The following DLGAP1 variants were observed in gnomAD, a reference collection of about 807,000 sequenced individuals.
DLGAP1 encodes DLG associated protein 1.
A neutral mutation model predicts 90.8 loss-of-function variants in DLGAP1; 11 were observed. That is an observed-to-expected ratio of 0.12 (90% CI 0.08 to 0.20). The LOEUF is 0.20. Among genes scored for constraint, DLGAP1 ranks in the 10% least tolerant of loss-of-function variants. The pLI, the probability that DLGAP1 is intolerant of heterozygous loss-of-function variation, is 1.00. For missense variants in DLGAP1, 1,050 were observed against 1,333.8 expected, an observed-to-expected ratio of 0.79 and a Z score of 3.31; for synonymous variants, 558 against 540.7, an observed-to-expected ratio of 1.03 and a Z score of -0.44.
chr18:4,104,564 T>C (rs1175552604), intron 2 of DLGAP1, among the ~76,000 whole-genome samples: 1 of 152,196 alleles, frequency 6.6e-6, no homozygotes, highest in Non-Finnish European at 1.5e-5. Context: ...AACTCTAGTA[T>C]TGTTTATTTT....
intron 1 of DLGAP1, among the ~76,000 whole-genome samples, chr18:4,261,773 TA>T (rs1201284221): frequency 2.0e-5 from 3 of 152,138 alleles, no homozygotes; most frequent in Non-Finnish European, 4.4e-5. Flanking sequence ...TTCCTCATGC[TA>T]AAAGGTAAAT....
intron 1 of DLGAP1, among the ~76,000 whole-genome samples, chr18:4,296,915 A>G (rs1406011662): frequency 6.6e-6 from 1 of 152,160 alleles, no homozygotes; most frequent in Non-Finnish European, 1.5e-5. Context: ...AACTTCCAAC[A>G]TCTTTCATCA....
At chr18:4,306,694 T>C (rs1598863805) in intron 1 of DLGAP1, among the ~76,000 whole-genome samples, 1 of 152,320 alleles carries the variant, frequency 6.6e-6, no homozygotes, top group East Asian at 1.9e-4. Context: ...CTACTACTTT[T>C]AGGGATTCAG....
At position 4,452,478 on chromosome 18, in the gene DLGAP1, T is replaced by TAA. The variant is rs1555621103; in HGVS notation, c.-267+2526_-267+2527dup. On this transcript the variant is annotated intron_variant, in intron 1 of 12. Coordinates refer to ENST00000315677, the MANE Select transcript of DLGAP1 (RefSeq NM_004746.4). ...CTCTTCCAAGTTTTAATTTTATATT[T>TAA]AAAAAAAATCAATCTAAATGGCTAT... Among the ~76,000 whole-genome samples, 368 of 151,960 alleles carry TAA rather than the reference T, an allele frequency of 2.4e-3. 2 individuals carry two copies. Among genetic ancestry groups the TAA allele is most frequent in the African/African-American group, 8.4e-3 (350 of 41,448 alleles).
intron 3 of DLGAP1, among the ~76,000 whole-genome samples, chr18:3,940,656 G>T (rs2072748512): frequency 6.6e-6 from 1 of 152,192 alleles, no homozygotes; most frequent in Non-Finnish European, 1.5e-5. Flanking sequence ...TAAAACTGGA[G>T]CATATAAAAT....
intron 1 of DLGAP1, chr18:4,275,169 G>T (rs1247239470): frequency 6.6e-6 from 1 of 151,984 alleles, no homozygotes; most frequent in Non-Finnish European, 1.5e-5. Context: ...TTCCATTAAG[G>T]TGTCTGGTCC....
At chr18:3,803,957 CATATATATATATAT>C (rs33952757) in intron 5 of DLGAP1, among the ~76,000 whole-genome samples, 1,910 of 83,984 alleles carry the variant, frequency 0.023, 80 homozygotes, top group African/African-American at 0.083. Context: ...TATGTAGGTT[CATATATATATATAT>C]ATATATATAT....
intron 2 of DLGAP1, among the ~76,000 whole-genome samples, chr18:4,150,346 G>C (rs538068926): frequency 4.0e-4 from 61 of 152,226 alleles, no homozygotes; most frequent in Non-Finnish European, 6.3e-4. Flanking sequence ...GAAAGGAGTG[G>C]AGATGATAGC....
chr18:4,058,185 T>TTTCTC, intron 2 of DLGAP1, among the ~76,000 whole-genome samples: 1 of 152,244 alleles, frequency 6.6e-6, no homozygotes, highest in Non-Finnish European at 1.5e-5. Flanking sequence ...TCTGTGTATA[T>TTTCTC]TTGAAATGGC....
chr18:4,371,090 AGTT>A (rs1436823757), intron 1 of DLGAP1, among the ~76,000 whole-genome samples: 43 of 152,242 alleles, frequency 2.8e-4, no homozygotes, highest in Non-Finnish European at 1.3e-4. Flanking sequence ...AGAGAAGAGC[AGTT>A]GTTGTAGTTG....
At chr18:3,832,365 G>T (rs2068077090) in intron 4 of DLGAP1, among the ~76,000 whole-genome samples, 1 of 152,172 alleles carries the variant, frequency 6.6e-6, no homozygotes. Flanking sequence ...TTTTGGTGAT[G>T]AGTCAAGCTG....
At chr18:3,952,303 T>A (rs2073002385) in intron 3 of DLGAP1, among the ~76,000 whole-genome samples, 1 of 152,214 alleles carries the variant, frequency 6.6e-6, no homozygotes, top group Non-Finnish European at 1.5e-5. Context: ...TTTAATCTCC[T>A]TAGCTCTTTA....
intron 9 of DLGAP1, among the ~76,000 whole-genome samples, chr18:3,546,203 G>A (rs569700495): frequency 6.6e-6 from 1 of 152,176 alleles, no homozygotes; most frequent in African/African-American, 2.4e-5. Context: ...CAAGCAGGTT[G>A]TCTGAGCCCA....
intron 2 of DLGAP1, among the ~76,000 whole-genome samples, chr18:4,025,699 T>A (rs528344475): frequency 9.2e-5 from 14 of 152,316 alleles, no homozygotes; most frequent in African/African-American, 3.1e-4. Context: ...CTGTTTTCCA[T>A]CTGAGTTCTA....
chr18:3,916,534 T>C (rs1024605222), intron 3 of DLGAP1, among the ~76,000 whole-genome samples: 2 of 152,214 alleles, frequency 1.3e-5, no homozygotes, highest in African/African-American at 2.4e-5. Context: ...CCTGACCCAT[T>C]GCTCAGTTGG....
chr18:4,194,273 C>T (rs2144755651), intron 1 of DLGAP1, among the ~76,000 whole-genome samples: 1 of 152,224 alleles, frequency 6.6e-6, no homozygotes, highest in Non-Finnish European at 1.5e-5. Flanking sequence ...GTTTCTGTTC[C>T]TGCGTTAATT....
chr18:4,053,498 T>A (rs181880190), intron 2 of DLGAP1, among the ~76,000 whole-genome samples: 10 of 152,272 alleles, frequency 6.6e-5, no homozygotes, highest in Non-Finnish European at 1.3e-4. Context: ...AAGATTTGGG[T>A]GGGGACACAG....
At chr18:4,068,193 C>T (rs937099267) in intron 2 of DLGAP1, among the ~76,000 whole-genome samples, 1 of 151,722 alleles carries the variant, frequency 6.6e-6, no homozygotes, top group South Asian at 2.1e-4. Context: ...ATCATTGCCT[C>T]CTCAATGCAA....
intron 2 of DLGAP1, among the ~76,000 whole-genome samples, chr18:4,040,901 C>T (rs1863985944): frequency 2.0e-5 from 3 of 152,204 alleles, no homozygotes; most frequent in Non-Finnish European, 2.9e-5. Context: ...TACTCACACA[C>T]GGTTGCTAGT....
Sources: gnomAD v4.1 joint callset for allele counts (sites outside exome capture counted in the v4.1 genomes callset) on GRCh38, gnomAD v4.1.1 for gene constraint, MANE v1.5 for transcripts, NCBI Gene and HGNC (gene_info 2026-07-23, HGNC 2026-07-21) for gene names.